The following CRELD1 variants were observed in gnomAD, a reference collection of about 807,000 sequenced individuals.
CRELD1 encodes the protein protein disulfide isomerase CRELD1.
In CRELD1, 42 loss-of-function variants were observed where a neutral mutation model predicts 58.2. That is an observed-to-expected ratio of 0.72 (90% CI 0.56 to 0.93). The LOEUF is 0.93. Ranked by LOEUF, CRELD1 falls within the 40% of genes least tolerant of loss-of-function variation. CRELD1 has a pLI of 0.00. For missense variants in CRELD1, 500 were observed against 540.6 expected (o/e 0.92, Z 0.74); for synonymous variants, 222 against 202.0 (o/e 1.10, Z -0.84).
intron 5 of CRELD1, among the ~76,000 whole-genome samples, chr3:9,939,758 C>T (rs558451399): frequency 4.5e-4 from 68 of 152,148 alleles, no homozygotes; most frequent in African/African-American, 1.6e-3. Flanking sequence ...AGCAACCATC[C>T]GATTTCTCAG....
At chr3:9,937,511 T>G (rs1575637578) in intron 3 of CRELD1, 51 bp from the exon 4 acceptor site, 3 of 1,188,938 alleles carry the variant, frequency 2.5e-6, no homozygotes, top group African/African-American at 1.5e-5. Context: ...TTGAGGAGGG[T>G]GGTGGGTGGG....
At chr3:9,941,789 CAAAA>C (rs34088708) in intron 7 of CRELD1, among the ~76,000 whole-genome samples, 1 of 20,626 alleles carries the variant, frequency 4.8e-5, no homozygotes, top group Non-Finnish European at 1.0e-4. Flanking sequence ...GACTCCATCT[CAAAA>C]AAAAAAAAAA....
Position 9,944,896 on chromosome 3 carries a change from CAG to C in CRELD1, c.*318_*319del, listed in dbSNP as rs2085476714. 4.8e-6 allele frequency: 2 copies of C among 415,002 alleles called. No individual in the cohort carries two copies. The highest frequency in any genetic ancestry group is 9.1e-6 in the Non-Finnish European group (2 of 219,452). The allele number at this position is 415,002 out of a possible 1,614,324, so 25.7% of individuals were successfully genotyped here. A position where few individuals can be genotyped will look rare whatever the true frequency, so the allele number is the denominator to read the frequency against. On this transcript the variant is annotated 3_prime_UTR_variant, in exon 11 of 11. Transcript: ENST00000452070. ...CCTGCTTAGGATTAGGTGGTCCTCA[CAG>C]GGGTGGGGCCATCACAGCTCCCTCC... is the stretch of plus-strand genomic sequence containing the variant.
Position 9,933,877 on chromosome 3 carries a change from G to A in CRELD1, c.-63G>A. ...GGTGAGGAGACGGCCCACGGCGCCC[G>A]CGGGCTGGGGCGGTCGCTTCTTCCT... On this transcript the variant is annotated 5_prime_UTR_variant, in exon 1 of 11. Transcript: ENST00000452070. 1 of 473,756 alleles carries A rather than the reference G, an allele frequency of 2.1e-6. No individual in the cohort carries two copies. Among genetic ancestry groups the A allele is most frequent in the Non-Finnish European group, 3.8e-6 (1 of 266,078 alleles). 29.3% of individuals were successfully genotyped at this position (473,756 alleles called of 1,614,324 possible).
intron 10 of CRELD1, chr3:9,944,123 C>T (rs774624240): frequency 1.3e-6 from 1 of 788,510 alleles, no homozygotes; most frequent in South Asian, 1.3e-5. Flanking sequence ...CCCAACTTGT[C>T]CACCACATGG....
intron 3 of CRELD1, 45 bp from the exon 4 acceptor site, chr3:9,937,517 G>C (rs371112279): frequency 3.1e-6 from 4 of 1,292,830 alleles, no homozygotes; most frequent in Non-Finnish European, 4.5e-6. Flanking sequence ...AGGGTGGTGG[G>C]TGGGGTGGGG....
chr3:9,944,115 C>T (rs762982232), intron 10 of CRELD1: 5 of 789,060 alleles, frequency 6.3e-6, no homozygotes, highest in Admixed American at 1.7e-5. Flanking sequence ...GCTCTGCCCC[C>T]AACTTGTCCA....
intron 10 of CRELD1, chr3:9,943,721 G>T: frequency 1.0e-6 from 1 of 985,398 alleles, no homozygotes; most frequent in South Asian, 4.7e-5. Context: ...AAGGGAATCA[G>T]ACCTGGCATC....
At chr3:9,937,916 G>T (rs2085240091) in intron 4 of CRELD1, 99 bp from the exon 5 acceptor site, 1 of 909,290 alleles carries the variant, frequency 1.1e-6, no homozygotes, top group Non-Finnish European at 1.8e-6. Flanking sequence ...GTCCAAGCTG[G>T]GTTGAATCAC....
At chr3:9,941,076 C>T (rs2085353522) in intron 6 of CRELD1, 35 bp from the exon 7 acceptor site, 1 of 1,613,600 alleles carries the variant, frequency 6.2e-7, no homozygotes, top group South Asian at 1.1e-5. Context: ...GGGGCACCTG[C>T]CTGCCCATCC....
In CRELD1 at chr3:9,934,375, G is replaced by T. The variant is rs573697304; in HGVS notation, c.-19-45G>T. 6 of 1,443,218 alleles carry T rather than the reference G, an allele frequency of 4.2e-6. No individual in the cohort carries two copies. In the African/African-American group the frequency reaches 7.0e-5, roughly 17 times the overall value. 89.4% of individuals were successfully genotyped at this position (1,443,218 alleles called of 1,614,324 possible). A position where few individuals can be genotyped will look rare whatever the true frequency, so the allele number is the denominator to read the frequency against. On this transcript the variant is annotated intron_variant, in intron 1 of 10. Transcript: ENST00000452070. ...ACAGACCTTTTTCTTTCTCGCGTGG[G>T]GCCTGACTCCTTCAGTGAAGCCTCT...
At chr3:9,935,217 CAG>C (rs2085150283) in intron 3 of CRELD1, 1 of 352,728 alleles carries the variant, frequency 2.8e-6, no homozygotes, top group Non-Finnish European at 5.4e-6. Flanking sequence ...GGCATTTGAA[CAG>C]AGAGACAGGA....
At position 9,944,996 on chromosome 3, in the gene CRELD1, A is replaced by C; in HGVS notation, c.*417A>C. On this transcript the variant is annotated 3_prime_UTR_variant, in exon 11 of 11. Transcript: ENST00000452070. ...ACACCCCATTGCCACTTATTTATTC[A>C]TCTCAGGAAATAAAGAAAGGTCTTG... 3.9e-6 allele frequency: 1 copy of C among 253,850 alleles called. No individual in the cohort carries two copies. Among genetic ancestry groups the C allele is most frequent in the South Asian group, 5.1e-5 (1 of 19,488 alleles). 15.7% of individuals were successfully genotyped at this position (253,850 alleles called of 1,614,324 possible). A position where few individuals can be genotyped will look rare whatever the true frequency, so the allele number is the denominator to read the frequency against.
Position 9,945,297 on chromosome 3 carries a change from C to CCACT in CRELD1, c.*721_*724dup, listed in dbSNP as rs1479566974. 1 of 155,532 alleles carries CCACT rather than the reference C, an allele frequency of 6.4e-6. No individual in the cohort carries two copies. The highest frequency in any genetic ancestry group is 1.4e-5 in the Non-Finnish European group (1 of 70,202). The allele number at this position is 155,532 out of a possible 1,614,324, so 9.6% of individuals were successfully genotyped here. A position where few individuals can be genotyped will look rare whatever the true frequency, so the allele number is the denominator to read the frequency against. On this transcript the variant is annotated 3_prime_UTR_variant, in exon 11 of 11. Transcript: ENST00000452070. The stretch of plus-strand genomic sequence containing the variant: ...CCTCAAATGGGCTTCATAATGCTTT[C>CCACT]CACTCAGGCTTAACATGAGAATTAA...
At chr3:9,939,398 C>T (rs2085284695) in intron 5 of CRELD1, among the ~76,000 whole-genome samples, 2 of 151,954 alleles carry the variant, frequency 1.3e-5, no homozygotes, top group Non-Finnish European at 2.9e-5. Context: ...TTGGCAGGGT[C>T]ATAGGACAAT....
chr3:9,937,749 AG>A, intron 4 of CRELD1, 77 bp downstream of exon 4: 9 of 1,048,508 alleles, frequency 8.6e-6, no homozygotes, highest in Non-Finnish European at 1.0e-5. Context: ...GCCGAGAAGC[AG>A]GGGGGTGCAT....
At chr3:9,939,323 CTTGTTTTTT>C (rs1206808669) in intron 5 of CRELD1, among the ~76,000 whole-genome samples, 1 of 151,994 alleles carries the variant, frequency 6.6e-6, no homozygotes, top group East Asian at 1.9e-4. Context: ...AAAATATTAT[CTTGTTTTTT>C]TTGTTTTTTT....
intron 1 of CRELD1, 135 bp downstream of exon 1, chr3:9,934,055 C>A: frequency 3.0e-6 from 1 of 334,190 alleles, no homozygotes; most frequent in Non-Finnish European, 5.6e-6. Flanking sequence ...TCCCCCAAGA[C>A]AACCCCTCTG....
intron 4 of CRELD1, 76 bp from the exon 5 acceptor site, chr3:9,937,939 G>T: frequency 9.4e-7 from 1 of 1,067,130 alleles, no homozygotes; most frequent in South Asian, 1.3e-5. Context: ...ATTCAGGCAT[G>T]GGGGAATGGG....
Sources: gnomAD v4.1 joint callset for allele counts (sites outside exome capture counted in the v4.1 genomes callset) on GRCh38, gnomAD v4.1.1 for gene constraint, MANE v1.5 for transcripts, NCBI Gene and HGNC (gene_info 2026-07-23, HGNC 2026-07-21) for gene names.